TRERF1: variants seen among roughly 807,000 people sequenced by gnomAD.
TRERF1 encodes transcriptional regulating factor 1.
In TRERF1, 27 loss-of-function variants were observed where a neutral mutation model predicts 122.9. The ratio of observed to expected loss-of-function variants is 0.22; its 90% CI spans 0.16 to 0.30. The LOEUF is 0.30. Ranked by LOEUF, TRERF1 falls within the 10% of genes least tolerant of loss-of-function variation. The pLI, the probability that TRERF1 is intolerant of heterozygous loss-of-function variation, is 1.00. For synonymous variants in TRERF1, 636 were observed against 641.7 expected, an observed-to-expected ratio of 0.99 and a Z score of 0.13; for missense variants, 1,248 against 1,560.3, an observed-to-expected ratio of 0.80 and a Z score of 3.37.
intron 2 of TRERF1, among the ~76,000 whole-genome samples, chr6:42,436,809 AAAAAAAT>A (rs1233007780): frequency 9.4e-5 from 11 of 117,052 alleles, no homozygotes; most frequent in South Asian, 3.3e-4. Context: ...ACAAAAAAAA[AAAAAAAT>A]ATATATATAT....
In TRERF1 at chr6:42,269,763, T is replaced by G; in HGVS notation, c.-173A>C. 1.4e-6 allele frequency: 2 copies of G among 1,437,830 alleles called. No individual in the cohort carries two copies. The highest frequency in any genetic ancestry group is 1.5e-5 in the South Asian group (1 of 67,052). 89.1% of individuals were successfully genotyped at this position (1,437,830 alleles called of 1,614,324 possible). Reference sequence around the variant, plus strand: ...AGGTGTTCCTGTTGGCCTGTACCACTCATGTGCAGGGCGGGGGGTTTCACA... The same window carrying G: ...AGGTGTTCCTGTTGGCCTGTACCACGCATGTGCAGGGCGGGGGGTTTCACA... On this transcript the variant is annotated 5_prime_UTR_variant, in exon 5 of 18. Coordinates refer to ENST00000372922, the Ensembl canonical transcript of TRERF1. This position sits in a 1 kb window ranked among gnomAD's most constrained non-coding sequence, Gnocchi z 4.9.
At chr6:42,388,514 A>C (rs1777191888) in intron 2 of TRERF1, among the ~76,000 whole-genome samples, 1 of 152,096 alleles carries the variant, frequency 6.6e-6, no homozygotes, top group South Asian at 2.1e-4. Flanking sequence ...CTGCCACGAG[A>C]TCTGCCTGAA....
intron 2 of TRERF1, among the ~76,000 whole-genome samples, chr6:42,431,858 G>A (rs1784551300): frequency 6.6e-6 from 1 of 151,968 alleles, no homozygotes; most frequent in Admixed American, 6.6e-5. Flanking sequence ...GTCCCAAATT[G>A]TCCCCACCTT....
intron 9 of TRERF1, among the ~76,000 whole-genome samples, 171 bp from the exon 10 acceptor site, chr6:42,258,372 A>T (rs1777145689): frequency 6.6e-6 from 1 of 152,228 alleles, no homozygotes; most frequent in Non-Finnish European, 1.5e-5. Flanking sequence ...GGTGCAAAAT[A>T]ACTTAGGGTT....
At chr6:42,236,052 A>G (rs1298730037) in intron 16 of TRERF1, among the ~76,000 whole-genome samples, 153 bp downstream of exon 16, 2 of 152,244 alleles carry the variant, frequency 1.3e-5, no homozygotes, top group African/African-American at 4.8e-5. Context: ...CCTGTTGGCC[A>G]AATGAAGCAG....
In TRERF1 at chr6:42,263,195, G is replaced by A. The variant is rs937145178; in HGVS notation, c.1884+125C>T. ...TCAGGTCAGTGACTCTGGAAGGGCC[G>A]CCCCATCTCCAAGAAAGCAAAGGGA... On this transcript the variant is annotated intron_variant, in intron 8 of 17. Coordinates refer to ENST00000372922, the Ensembl canonical transcript of TRERF1. This position sits in a 1 kb window ranked among gnomAD's most constrained non-coding sequence, Gnocchi z 5.6. 56 of 1,451,584 alleles carry A rather than the reference G, an allele frequency of 3.9e-5. No homozygotes were observed. The African/African-American group carries it at 6.4e-4, about 17-fold the overall frequency. 89.9% of individuals were successfully genotyped at this position (1,451,584 alleles called of 1,614,324 possible). A position where few individuals can be genotyped will look rare whatever the true frequency, so the allele number is the denominator to read the frequency against.
At position 42,258,219 on chromosome 6, in the gene TRERF1, GA is replaced by G. The variant is rs745751428; in HGVS notation, c.2270-19del. 2.6e-5 allele frequency: 42 copies of G among 1,613,170 alleles called. No homozygotes were observed. The highest frequency in any genetic ancestry group is 1.0e-4 in the Admixed American group (6 of 59,972). ...GATGCTGTCTAAAACACAAAAATCA[GA>G]GGTCACTAGTCAACAGGGAAGGAAT... On this transcript the variant is annotated intron_variant, in intron 9 of 17. Transcript: ENST00000372922.
intron 3 of TRERF1, among the ~76,000 whole-genome samples, chr6:42,320,944 A>G (rs1037409887): frequency 2.0e-5 from 3 of 152,180 alleles, no homozygotes; most frequent in African/African-American, 7.2e-5. Context: ...CAAGCACAGG[A>G]AGCCTGAGCT....
At chr6:42,250,744 A>T (rs543769407) in intron 13 of TRERF1, among the ~76,000 whole-genome samples, 4 of 152,202 alleles carry the variant, frequency 2.6e-5, no homozygotes, top group Non-Finnish European at 5.9e-5. Context: ...GATTAAGGCT[A>T]ATTACAAAGA....
chr6:42,271,354 G>A (rs769001324), intron 4 of TRERF1, among the ~76,000 whole-genome samples: 1 of 151,978 alleles, frequency 6.6e-6, no homozygotes, highest in African/African-American at 2.4e-5. Context: ...CAGGGAGAAC[G>A]AAAAATGGAA....
Position 42,263,297 on chromosome 6 carries a change from G to C in TRERF1, c.1884+23C>G. The C allele has an allele frequency of 2.5e-6, 4 of 1,600,772 alleles. No individual in the cohort carries two copies. The highest frequency in any genetic ancestry group is 2.2e-5 in the East Asian group (1 of 44,636). ...GGGGGCAGCCCCTTGGGGTGAGTGT[G>C]GGGGAGAGAGGGTCATCCTCACGAG... On this transcript the variant is annotated intron_variant, in intron 8 of 17. Transcript: ENST00000372922. The surrounding 1 kb of genome is among the most constrained non-coding windows in gnomAD (Gnocchi z 5.6).
chr6:42,408,504 G>A (rs1012718979), intron 2 of TRERF1, among the ~76,000 whole-genome samples: 73 of 148,200 alleles, frequency 4.9e-4, no homozygotes, highest in African/African-American at 1.7e-3. Flanking sequence ...TCAGCCTCCC[G>A]AGTAGCTGGG....
chr6:42,399,568 A>G (rs1438493591), intron 2 of TRERF1, among the ~76,000 whole-genome samples: 1 of 152,186 alleles, frequency 6.6e-6, no homozygotes, highest in Non-Finnish European at 1.5e-5. Flanking sequence ...TCCCTGGCCA[A>G]TGCAGTCCCG....
intron 3 of TRERF1, among the ~76,000 whole-genome samples, chr6:42,337,192 GAAGGAC>G (rs1562015037): frequency 1.3e-5 from 2 of 152,202 alleles, no homozygotes; most frequent in African/African-American, 4.8e-5. Flanking sequence ...GCTGGTCAGG[GAAGGAC>G]AATGGGTAGG....
At chr6:42,288,595 A>AG (rs1554146828) in intron 4 of TRERF1, among the ~76,000 whole-genome samples, 16 of 111,546 alleles carry the variant, frequency 1.4e-4, no homozygotes, top group South Asian at 3.1e-4. Context: ...AAAAAAAAAA[A>AG]AGAGAGAGAG....
intron 4 of TRERF1, among the ~76,000 whole-genome samples, chr6:42,297,762 C>G (rs936086852): frequency 3.3e-5 from 5 of 151,936 alleles, no homozygotes; most frequent in African/African-American, 9.7e-5. Context: ...TAACCAAATC[C>G]TCTCTGGAAA....
chr6:42,438,321 TC>T (rs1352444158), intron 2 of TRERF1, among the ~76,000 whole-genome samples: 1 of 147,270 alleles, frequency 6.8e-6, no homozygotes, highest in East Asian at 2.1e-4. Context: ...AAGAAAACAA[TC>T]CCCCTGGCCG....
Position 42,228,523 on chromosome 6 carries a change from G to A in TRERF1, c.3425C>T (p.Pro1142Leu), listed in dbSNP as rs527323317. 4.5e-5 allele frequency: 73 copies of A among 1,614,156 alleles called. No individual in the cohort carries two copies. In the South Asian group the frequency reaches 5.2e-4, roughly 11 times the overall value. Residue 1142 changes from proline (P) to leucine (L), a missense_variant, in exon 18 of 18, where the codon CCG becomes CTG. By Grantham distance (98) the Pro-to-Leu change is moderately conservative. Transcript: ENST00000372922. This position sits in a 1 kb window ranked among gnomAD's most constrained non-coding sequence, Gnocchi z 4.2. ...CAGCTGGTCCAGGGGCAGCAGCCCCGGCGCCCCCACGGGCCCCGTAGTCCT... is the reference window on the plus strand; with the variant it reads ...CAGCTGGTCCAGGGGCAGCAGCCCCAGCGCCCCCACGGGCCCCGTAGTCCT...
At chr6:42,407,696 T>C (rs1325827774) in intron 2 of TRERF1, among the ~76,000 whole-genome samples, 2 of 152,032 alleles carry the variant, frequency 1.3e-5, no homozygotes, top group Non-Finnish European at 2.9e-5. Context: ...CTCTTTTTAC[T>C]ACAGAATTTC....
Sources: gnomAD v4.1 joint callset for allele counts (sites outside exome capture counted in the v4.1 genomes callset) on GRCh38, gnomAD v4.1.1 for gene constraint, Gnocchi (gnomAD v3.1) non-coding constraint, MANE v1.5 for transcripts, NCBI Gene and HGNC (gene_info 2026-07-23, HGNC 2026-07-21) for gene names.